DENND1B: variants seen among roughly 807,000 people sequenced by gnomAD.
DENND1B encodes DENN domain-containing protein 1B.
In DENND1B, 59 loss-of-function variants were observed where a neutral mutation model predicts 90.1. That is an observed-to-expected ratio of 0.65 (90% CI 0.53 to 0.81). DENND1B has a LOEUF of 0.81. DENND1B is among the 40% of genes least tolerant of loss of function. The probability of loss-of-function intolerance (pLI) is 0.00; values close to 1 mark genes in which losing one functional copy is unlikely to be tolerated. For synonymous variants in DENND1B, 337 were observed against 324.6 expected (o/e 1.04, Z -0.41); for missense variants, 862 against 912.6 (o/e 0.94, Z 0.71).
chr1:197,719,049 A>G (rs998925696), intron 2 of DENND1B, among the ~76,000 whole-genome samples: 3 of 152,138 alleles, frequency 2.0e-5, no homozygotes, highest in Non-Finnish European at 2.9e-5. Flanking sequence ...TGACTGAAGA[A>G]TGGCAACTAT....
rs544782845 is a variant in DENND1B at position 197,528,831 on chromosome 1, G to C, written c.1515+11133C>G. ...GCCGAGATCCCGCCACTGCACTCCA[G>C]CCTGGGTGACAGAGCGAGACTCATC... On this transcript the variant is annotated intron_variant, in intron 20 of 22. Coordinates refer to ENST00000620048, the MANE Select transcript of DENND1B (RefSeq NM_001195215.2). Among the ~76,000 whole-genome samples, 16 of 148,980 alleles carry C rather than the reference G, an allele frequency of 1.1e-4. No homozygotes were observed. In the South Asian group the frequency reaches 3.5e-3, roughly 32 times the overall value.
chr1:197,679,808 GTTTTT>G (rs56246204), intron 3 of DENND1B, among the ~76,000 whole-genome samples: 1 of 91,998 alleles, frequency 1.1e-5, no homozygotes, highest in African/African-American at 4.2e-5. Flanking sequence ...TCCAAGGGTT[GTTTTT>G]TTTTTTTTTT....
At chr1:197,687,976 G>A (rs770343602) in intron 3 of DENND1B, among the ~76,000 whole-genome samples, 39 of 151,896 alleles carry the variant, frequency 2.6e-4, no homozygotes, top group Non-Finnish European at 4.1e-4. Context: ...ATTTGTTGTA[G>A]GATATAAAAA....
At chr1:197,750,115 G>C (rs1239705824) in intron 2 of DENND1B, among the ~76,000 whole-genome samples, 1 of 152,172 alleles carries the variant, frequency 6.6e-6, no homozygotes, top group Non-Finnish European at 1.5e-5. Context: ...CCAAACTGCT[G>C]AGACTATAGG....
At chr1:197,690,047 T>C (rs1315855649) in intron 3 of DENND1B, 3 of 164,236 alleles carry the variant, frequency 1.8e-5, no homozygotes, top group Non-Finnish European at 4.0e-5. Context: ...GCATTGTCCC[T>C]TTGGGGCTAG....
At chr1:197,526,195 A>G (rs1669121086) in intron 20 of DENND1B, among the ~76,000 whole-genome samples, 2 of 152,118 alleles carry the variant, frequency 1.3e-5, no homozygotes, top group Admixed American at 1.3e-4. Flanking sequence ...CTTGGGGGAC[A>G]CTAATAGGCA....
At chr1:197,685,490 T>C (rs539439529) in intron 3 of DENND1B, 62 of 152,300 alleles carry the variant, frequency 4.1e-4, no homozygotes, top group African/African-American at 1.4e-3. Context: ...TATATTCAGG[T>C]TTTATTTAGT....
intron 2 of DENND1B, among the ~76,000 whole-genome samples, chr1:197,762,981 T>TC (rs566297297): frequency 3.5e-4 from 54 of 152,210 alleles, no homozygotes; most frequent in African/African-American, 1.3e-3. Context: ...GACCCAGCAA[T>TC]CCCTCTTCTG....
intron 6 of DENND1B, among the ~76,000 whole-genome samples, chr1:197,656,575 A>G (rs1653850543): frequency 6.6e-6 from 1 of 152,172 alleles, no homozygotes; most frequent in African/African-American, 2.4e-5. Flanking sequence ...AGAGGCAGGA[A>G]GATCCCTTGA....
chr1:197,665,604 C>T lies in DENND1B; in HGVS notation c.296+6433G>A, dbSNP rs777629837. Among the ~76,000 whole-genome samples, 47 of 152,210 alleles carry T rather than the reference C, an allele frequency of 3.1e-4. 1 individual carries two copies. Among genetic ancestry groups the T allele is most frequent in the Non-Finnish European group, 6.6e-4 (45 of 67,948 alleles). On this transcript the variant is annotated intron_variant, in intron 5 of 22. Coordinates refer to ENST00000620048, the MANE Select transcript of DENND1B (RefSeq NM_001195215.2). ...CAAGAAATCCAAACAAAATTATTTT[C>T]TGCTATTTCTAATGAAAATATTCTA... is the stretch of plus-strand genomic sequence containing the variant.
rs569503599 is a variant in DENND1B, at chr1:197,627,083, G to A, written c.673-9324C>T. ...TCCAGGACCAGATGGATTCACAGCC[G>A]AATTCTACCAGAGGTACAAGGAGGA... On this transcript the variant is annotated intron_variant, in intron 10 of 22. Coordinates refer to ENST00000620048, the MANE Select transcript of DENND1B (RefSeq NM_001195215.2). Among the ~76,000 whole-genome samples, 227 of 152,154 alleles carry A rather than the reference G, an allele frequency of 1.5e-3. 1 individual carries two copies. Among genetic ancestry groups the A allele is most frequent in the South Asian group, 2.1e-3 (10 of 4,820 alleles).
intron 13 of DENND1B, among the ~76,000 whole-genome samples, chr1:197,597,391 TATAA>T (rs1363621243): frequency 1.3e-5 from 2 of 151,674 alleles, no homozygotes; most frequent in Admixed American, 6.6e-5. Context: ...TATTATTATA[TATAA>T]ATAGTTTTTT....
At chr1:197,776,278 A>G (rs921707203), upstream of DENND1B, among the ~76,000 whole-genome samples, 3 of 152,212 alleles carry the variant, frequency 2.0e-5, no homozygotes, top group Admixed American at 6.5e-5. Context: ...CATTTTACAG[A>G]TGAAGAAACC....
intron 10 of DENND1B, among the ~76,000 whole-genome samples, chr1:197,621,846 A>G (rs988791104): frequency 6.6e-6 from 1 of 151,502 alleles, no homozygotes; most frequent in African/African-American, 2.4e-5. Context: ...TACCAAATAA[A>G]GGTTTATGGA....
intron 15 of DENND1B, among the ~76,000 whole-genome samples, chr1:197,580,615 T>A (rs1412421496): frequency 1.3e-5 from 2 of 152,138 alleles, no homozygotes; most frequent in African/African-American, 4.8e-5. Flanking sequence ...CAGAAAATAT[T>A]AATTCAGGCT....
chr1:197,708,277 G>A (rs1167803343), intron 3 of DENND1B, among the ~76,000 whole-genome samples: 112 of 40,962 alleles, frequency 2.7e-3, no homozygotes, highest in African/African-American at 0.011. Context: ...TGGGGGCAGG[G>A]CACAGACAAA....
chr1:197,772,884 A>G lies in DENND1B; in HGVS notation c.66T>C (p.His22=). 1 of 1,551,968 alleles carries G rather than the reference A, an allele frequency of 6.4e-7. No individual in the cohort carries two copies. The highest frequency in any genetic ancestry group is 8.7e-7 in the Non-Finnish European group (1 of 1,147,008). The part of the protein sequence containing the change: ...TFDLVLKVKC[H]ASENEDPVVL... ...GACACATACCTTCATTTTCAGAGGC[A>G]TGACATTTCACTTTCAACACCAAGT... Residue 22 remains histidine (H), a synonymous_variant, in exon 2 of 23, where the codon CAT becomes CAC. Coordinates refer to ENST00000620048, the MANE Select transcript of DENND1B (RefSeq NM_001195215.2).
At chr1:197,687,819 A>G (rs768992718) in intron 3 of DENND1B, among the ~76,000 whole-genome samples, 2 of 152,158 alleles carry the variant, frequency 1.3e-5, no homozygotes, top group African/African-American at 2.4e-5. Context: ...AGTCAGAGCA[A>G]TTCGGCAATA....
intron 3 of DENND1B, among the ~76,000 whole-genome samples, chr1:197,686,998 G>T (rs921388070): frequency 3.9e-5 from 6 of 152,176 alleles, no homozygotes; most frequent in Admixed American, 2.0e-4. Flanking sequence ...TGAAATAAAA[G>T]AGCTGTATTG....
Sources: gnomAD v4.1 joint callset for allele counts (sites outside exome capture counted in the v4.1 genomes callset) on GRCh38, gnomAD v4.1.1 for gene constraint, MANE v1.5 for transcripts, NCBI Gene and HGNC (gene_info 2026-07-23, HGNC 2026-07-21) for gene names.